ARHGEF16: variants seen among roughly 807,000 people sequenced by gnomAD.
ARHGEF16 encodes Rho guanine nucleotide exchange factor 16, also known as Rho guanine exchange factor (GEF) 16.
ARHGEF16 carries 59 observed loss-of-function variants against 74.1 expected under a neutral mutation model. The observed-to-expected ratio is 0.80, with a 90% confidence interval of 0.65 to 0.99. The LOEUF is 0.99. Ranked by LOEUF, ARHGEF16 falls within the 50% of genes least tolerant of loss-of-function variation. ARHGEF16 has a pLI of 0.00. For missense variants in ARHGEF16, 948 were observed against 986.6 expected (o/e 0.96, Z 0.52); for synonymous variants, 415 against 412.6 (o/e 1.01, Z -0.07).
chr1:3,454,879 T>G (rs1639229195), intron 1 of ARHGEF16, 68 bp downstream of exon 1: 1 of 151,798 alleles, frequency 6.6e-6, no homozygotes, highest in Non-Finnish European at 1.5e-5. Context: ...GGTGGGGGGA[T>G]TAGCCCGGGG....
intron 1 of ARHGEF16, 86 bp from the exon 2 acceptor site, chr1:3,462,980 G>A (rs1639438227): frequency 3.1e-6 from 3 of 959,038 alleles, no homozygotes; most frequent in Non-Finnish European, 4.5e-6. Flanking sequence ...GCCCCGGCCA[G>A]ACATATGCAA....
chr1:3,467,303 G>T lies in ARHGEF16; in HGVS notation c.770G>T (p.Arg257Leu), dbSNP rs1012460755. Residue 257 changes from arginine (R) to leucine (L), a missense_variant, in exon 4 of 15, where the codon CGG (arginine) becomes CTG (leucine). By Grantham distance (102) the Arg-to-Leu change is moderately radical. Coordinates refer to ENST00000378378, the MANE Select transcript of ARHGEF16 (RefSeq NM_014448.4). ...GCCACCATTGTGGTCAAGAGCTACC[G>T]GCCCGCCCAGGTCACCTGGAGCCAG... ...VDATIVVKSY[R>L]PAQVTWSQLP... The T allele has an allele frequency of 6.5e-7, 1 of 1,550,046 alleles. No homozygotes were observed. The highest frequency in any genetic ancestry group is 2.4e-5 in the East Asian group (1 of 40,914).
chr1:3,468,879 G>C lies in ARHGEF16; in HGVS notation c.805-1G>C, dbSNP rs892047550. 1.6e-5 allele frequency: 25 copies of C among 1,550,356 alleles called. No individual in the cohort carries two copies. Among genetic ancestry groups the C allele is most frequent in the Non-Finnish European group, 2.0e-5 (23 of 1,146,882 alleles). ...GAGCTCCTGGGCCTGTGTCCCCCCA[G>C]GTGGTGGAATTGGGCATCCTGGACC... is the stretch of plus-strand genomic sequence containing the variant. On this transcript the variant is annotated splice_acceptor_variant, in intron 4 of 14. Transcript: ENST00000378378. LOFTEE classifies it high-confidence loss of function.
chr1:3,457,368 G>T (rs2100728956), intron 1 of ARHGEF16, among the ~76,000 whole-genome samples: 1 of 152,368 alleles, frequency 6.6e-6, no homozygotes, highest in East Asian at 1.9e-4. Context: ...AGAAATGCCT[G>T]AGGGTGGGAC....
chr1:3,477,340 G>GCACACTA (rs1311282501), intron 10 of ARHGEF16, among the ~76,000 whole-genome samples: 12 of 9,014 alleles, frequency 1.3e-3, no homozygotes, highest in Non-Finnish European at 1.7e-3. Flanking sequence ...CCCCCACACT[G>GCACACTA]CCCACCCTCT....
chr1:3,471,350 G>T (rs534190851), intron 6 of ARHGEF16, among the ~76,000 whole-genome samples: 1 of 152,060 alleles, frequency 6.6e-6, no homozygotes, highest in Admixed American at 6.5e-5. Flanking sequence ...GGTTGCTGGC[G>T]CATTCTTATA....
At chr1:3,478,363 C>A in intron 11 of ARHGEF16, 61 bp from the exon 12 acceptor site, 1 of 1,515,750 alleles carries the variant, frequency 6.6e-7, no homozygotes, top group Non-Finnish European at 8.9e-7. Context: ...TGGACGGGAG[C>A]CCAGCAGCAC....
chr1:3,455,614 G>T (rs1176686972), intron 1 of ARHGEF16, among the ~76,000 whole-genome samples: 1 of 152,192 alleles, frequency 6.6e-6, no homozygotes, highest in African/African-American at 2.4e-5. Context: ...ATCAAGGCCT[G>T]AATCTTCTCT....
chr1:3,476,135 G>C, intron 10 of ARHGEF16, 73 bp downstream of exon 10: 1 of 1,464,118 alleles, frequency 6.8e-7, no homozygotes, highest in Non-Finnish European at 9.3e-7. Context: ...TGCGTGTGAG[G>C]TCACACCCCT....
intron 1 of ARHGEF16, among the ~76,000 whole-genome samples, chr1:3,456,891 A>T (rs1166899027): frequency 6.6e-6 from 1 of 152,238 alleles, no homozygotes; most frequent in African/African-American, 2.4e-5. Context: ...AGCTATGTCC[A>T]GGTGGGAGGG....
intron 5 of ARHGEF16, 91 bp from the exon 6 acceptor site, chr1:3,469,342 C>G (rs1194415168): frequency 1.3e-6 from 2 of 1,483,728 alleles, no homozygotes; most frequent in Admixed American, 1.8e-5. Context: ...CCCCTGCCAC[C>G]CGGGTCACGT....
chr1:3,472,879 A>AC, intron 6 of ARHGEF16, 199 bp from the exon 7 acceptor site: 6 of 106,816 alleles, frequency 5.6e-5, no homozygotes, highest in Non-Finnish European at 8.9e-5. Context: ...ACCACTTCCC[A>AC]CCCGCCCTCC....
intron 2 of ARHGEF16, among the ~76,000 whole-genome samples, chr1:3,465,410 G>A (rs1639512643): frequency 6.6e-6 from 1 of 152,092 alleles, no homozygotes; most frequent in Non-Finnish European, 1.5e-5. Context: ...AGTCGGGGTG[G>A]GGGAGGCAAC....
intron 3 of ARHGEF16, chr1:3,466,878 G>GCC (rs1479227506): frequency 3.0e-6 from 1 of 328,998 alleles, no homozygotes; most frequent in Non-Finnish European, 5.6e-6. Context: ...CCTGGGAAGT[G>GCC]TCCCCAGGAG....
chr1:3,455,309 C>A (rs1639241963), intron 1 of ARHGEF16, among the ~76,000 whole-genome samples: 1 of 151,948 alleles, frequency 6.6e-6, no homozygotes, highest in South Asian at 2.1e-4. Flanking sequence ...CAGAAAAGCC[C>A]CGAGAAGGAA....
chr1:3,478,271 G>A, intron 11 of ARHGEF16, 153 bp from the exon 12 acceptor site: 2 of 969,414 alleles, frequency 2.1e-6, no homozygotes, highest in Non-Finnish European at 3.1e-6. Context: ...GAAAGCCATG[G>A]CCTCTGTTCT....
intron 6 of ARHGEF16, 128 bp from the exon 7 acceptor site, chr1:3,472,950 G>T: frequency 9.2e-7 from 1 of 1,085,230 alleles, no homozygotes; most frequent in South Asian, 1.8e-5. Flanking sequence ...GCTGCCTCTG[G>T]GAGCTGAGCT....
intron 1 of ARHGEF16, among the ~76,000 whole-genome samples, chr1:3,458,922 A>G (rs529507150): frequency 2.0e-4 from 30 of 152,348 alleles, no homozygotes; most frequent in Non-Finnish European, 2.8e-4. Context: ...AGGGGCCAAT[A>G]AGAAGTCCAA....
In ARHGEF16 at chr1:3,473,210, G is replaced by A; in HGVS notation, c.1155G>A (p.Gln385=). The change falls in exon 7 of 15, where the codon CAG becomes CAA. Residue 385 remains glutamine (Q), a synonymous_variant. Transcript: ENST00000378378. The stretch of plus-strand genomic sequence containing the variant: ...ACTGCTCCAACGAGGTCTACCAACA[G>A]CGCACGCTGCAGAAGCTGATGTGAG... ...IAYCSNEVYQ[Q]RTLQKLISSN... is the part of the protein sequence containing the mutation. 1 of 1,613,220 alleles carries A rather than the reference G, an allele frequency of 6.2e-7. No homozygotes were observed. The highest frequency in any genetic ancestry group is 8.5e-7 in the Non-Finnish European group (1 of 1,179,958).
Sources: gnomAD v4.1 joint callset for allele counts (sites outside exome capture counted in the v4.1 genomes callset) on GRCh38, gnomAD v4.1.1 for gene constraint, MANE v1.5 for transcripts, NCBI Gene and HGNC (gene_info 2026-07-23, HGNC 2026-07-21) for gene names.